ROBO1: variants seen among roughly 807,000 people sequenced by gnomAD.
ROBO1 encodes the protein roundabout guidance receptor 1, also known as roundabout homolog 1.
ROBO1 carries 149 observed loss-of-function variants against 195.9 expected under a neutral mutation model. The ratio of observed to expected loss-of-function variants is 0.76; its 90% confidence interval spans 0.67 to 0.87. The LOEUF is 0.87. ROBO1 is among the 40% of genes least tolerant of loss of function. The pLI, the probability that ROBO1 is intolerant of heterozygous loss-of-function variation, is 0.00. For missense variants in ROBO1, 1,933 were observed against 2,068.3 expected, an observed-to-expected ratio of 0.93 and a Z score of 1.27; for synonymous variants, 816 against 733.2, an observed-to-expected ratio of 1.11 and a Z score of -1.82.
chr3:78,989,750 G>A (rs967980474), intron 3 of ROBO1, among the ~76,000 whole-genome samples: 3 of 152,214 alleles, frequency 2.0e-5, no homozygotes, highest in Non-Finnish European at 2.9e-5. Flanking sequence ...TTTTCCTTCT[G>A]TTGTATAAAT....
chr3:78,983,275 T>A (rs2077037425), intron 3 of ROBO1, among the ~76,000 whole-genome samples: 1 of 152,164 alleles, frequency 6.6e-6, no homozygotes, highest in Non-Finnish European at 1.5e-5. Context: ...TAACAACAAC[T>A]AAAGAACAAG....
chr3:78,917,098 CG>C (rs2038646451), intron 4 of ROBO1, among the ~76,000 whole-genome samples: 1 of 114,582 alleles, frequency 8.7e-6, no homozygotes, highest in Non-Finnish European at 1.9e-5. Flanking sequence ...TTTTGTTTTT[CG>C]TTTTTTTTTT....
chr3:79,594,087 C>T (rs1193143540), intron 1 of ROBO1, among the ~76,000 whole-genome samples: 2 of 151,892 alleles, frequency 1.3e-5, no homozygotes, highest in Admixed American at 6.6e-5. Flanking sequence ...AATTATTTCT[C>T]AATACCTTGA....
At chr3:79,600,855 A>T (rs1944318684) in intron 1 of ROBO1, among the ~76,000 whole-genome samples, 1 of 152,020 alleles carries the variant, frequency 6.6e-6, no homozygotes, top group South Asian at 2.1e-4. Context: ...AAATTATACT[A>T]AAATGATGAT....
At chr3:79,563,950 ACT>A in intron 2 of ROBO1, among the ~76,000 whole-genome samples, 1 of 151,986 alleles carries the variant, frequency 6.6e-6, no homozygotes, top group South Asian at 2.1e-4. Context: ...ATGTAAATTG[ACT>A]CTAATATAGA....
chr3:79,609,879 A>G (rs1197428301), intron 1 of ROBO1, among the ~76,000 whole-genome samples: 1 of 151,934 alleles, frequency 6.6e-6, no homozygotes, highest in Admixed American at 6.6e-5. Context: ...TTTAAAGGGT[A>G]TATGATTTCC....
chr3:79,657,517 T>C (rs1028047621), intron 1 of ROBO1, among the ~76,000 whole-genome samples: 2 of 151,960 alleles, frequency 1.3e-5, no homozygotes, highest in African/African-American at 2.4e-5. Flanking sequence ...AATCAACAAA[T>C]AAAAGTTTCA....
chr3:79,402,780 C>T lies in ROBO1; in HGVS notation c.88+187044G>A, dbSNP rs371908560. On this transcript the variant is annotated intron_variant, in intron 2 of 30. Transcript: ENST00000464233. The stretch of plus-strand genomic sequence containing the variant: ...GAATGCTTTTGAAACACATTGGAAA[C>T]TTTTTAATTGTTTTCTCCAAAATTA... Among the ~76,000 whole-genome samples, 11 of 152,034 alleles carry T rather than the reference C, an allele frequency of 7.2e-5. 1 individual carries two copies. In the South Asian group the frequency reaches 2.3e-3, roughly 31 times the overall value.
intron 4 of ROBO1, among the ~76,000 whole-genome samples, chr3:78,933,662 CAGA>C (rs551125343): frequency 2.0e-4 from 31 of 151,884 alleles, no homozygotes; most frequent in Non-Finnish European, 3.2e-4. Flanking sequence ...AAGGCAATGA[CAGA>C]AGAACATATT....
chr3:79,161,793 C>T (rs79974950), intron 2 of ROBO1, among the ~76,000 whole-genome samples: 4,618 of 152,202 alleles, frequency 0.03, 80 homozygotes, highest in Middle Eastern at 0.072. Flanking sequence ...TGAGTACACA[C>T]TCATTGTTAG....
chr3:79,217,239 T>C (rs1381667065), intron 2 of ROBO1, among the ~76,000 whole-genome samples: 1 of 152,068 alleles, frequency 6.6e-6, no homozygotes, highest in African/African-American at 2.4e-5. Flanking sequence ...GCTGCAGGAT[T>C]GCCTAAACTG....
At chr3:79,305,363 T>C (rs1271120286) in intron 2 of ROBO1, among the ~76,000 whole-genome samples, 1 of 151,788 alleles carries the variant, frequency 6.6e-6, no homozygotes, top group Non-Finnish European at 1.5e-5. Context: ...GGCACATGCC[T>C]GTAACTCCAG....
intron 4 of ROBO1, among the ~76,000 whole-genome samples, chr3:78,931,833 C>A (rs1256788513): frequency 6.6e-6 from 1 of 151,900 alleles, no homozygotes; most frequent in Admixed American, 6.6e-5. Flanking sequence ...AACAAATAGC[C>A]TGGTGTAGAG....
At chr3:79,590,627 T>G (rs1291155583) in intron 1 of ROBO1, among the ~76,000 whole-genome samples, 1 of 151,792 alleles carries the variant, frequency 6.6e-6, no homozygotes, top group Non-Finnish European at 1.5e-5. Context: ...TAATTAATTT[T>G]GCCAGGGAGA....
intron 3 of ROBO1, among the ~76,000 whole-genome samples, chr3:78,939,251 T>C (rs971308524): frequency 1.3e-5 from 2 of 152,156 alleles, no homozygotes; most frequent in South Asian, 4.1e-4. Context: ...TGCAGAGGAA[T>C]GTGTTTATTA....
chr3:79,322,608 G>A (rs1428751629), intron 2 of ROBO1, among the ~76,000 whole-genome samples: 2 of 152,166 alleles, frequency 1.3e-5, no homozygotes, highest in Non-Finnish European at 2.9e-5. Context: ...CCCTTCACTA[G>A]AAAATATAAC....
At chr3:79,018,587 A>C in intron 3 of ROBO1, 1 of 1,499,414 alleles carries the variant, frequency 6.7e-7, no homozygotes, top group Non-Finnish European at 9.0e-7. Context: ...TCAATTAGCC[A>C]AGAGTTTTCA....
At chr3:79,216,507 A>C (rs1448108742) in intron 2 of ROBO1, among the ~76,000 whole-genome samples, 1 of 152,076 alleles carries the variant, frequency 6.6e-6, no homozygotes, top group African/African-American at 2.4e-5. Flanking sequence ...ATTGATTCTA[A>C]TGTTTGGTAA....
Position 79,149,614 on chromosome 3 carries a change from C to T in ROBO1, c.89-24075G>A, listed in dbSNP as rs373110689. 2.6e-4 allele frequency among the ~76,000 whole-genome samples: 39 copies of T among 151,762 alleles called. No homozygotes were observed. The East Asian group carries it at 6.6e-3, about 26-fold the overall frequency. On this transcript the variant is annotated intron_variant, in intron 2 of 30. Transcript: ENST00000464233. ...TTAGGTGAAAGGGACTCAGGTAAAT[C>T]GGCCTCAGTGGTTTGGTGGCAAGGT... is the stretch of plus-strand genomic sequence containing the variant.
Sources: allele counts gnomAD v4.1 joint callset (sites outside exome capture counted in the v4.1 genomes callset), GRCh38; gene constraint gnomAD v4.1.1; transcripts MANE v1.5; gene names NCBI Gene and HGNC (gene_info 2026-07-23, HGNC 2026-07-21).